CLVS1: variants seen among roughly 807,000 people sequenced by gnomAD.
CLVS1 encodes the protein clavesin-1.
Under a neutral mutation model 33.1 loss-of-function variants are expected in CLVS1, and 10 were observed. The ratio of observed to expected loss-of-function variants is 0.30; its 90% CI spans 0.19 to 0.51. CLVS1 has a LOEUF of 0.51. Among genes scored for constraint, CLVS1 ranks in the 20% least tolerant of loss-of-function variants. The pLI, the probability that CLVS1 is intolerant of heterozygous loss-of-function variation, is 0.97. For synonymous variants in CLVS1, 163 were observed against 166.1 expected (o/e 0.98, Z 0.14); for missense variants, 343 against 433.4 (o/e 0.79, Z 1.85).
intron 3 of CLVS1, among the ~76,000 whole-genome samples, chr8:61,421,817 C>A (rs1815681832): frequency 6.6e-6 from 1 of 152,108 alleles, no homozygotes; most frequent in African/African-American, 2.4e-5. Context: ...GAAGAGAGAG[C>A]CAATTGCTAC....
At chr8:61,317,305 G>A (rs1446876076) in intron 2 of CLVS1, among the ~76,000 whole-genome samples, 1 of 152,146 alleles carries the variant, frequency 6.6e-6, no homozygotes, top group East Asian at 1.9e-4. Flanking sequence ...AGGCAAGTGA[G>A]TCAAATGCTG....
intron 2 of CLVS1, among the ~76,000 whole-genome samples, chr8:61,153,085 C>T (rs560532030): frequency 6.6e-5 from 10 of 152,140 alleles, no homozygotes; most frequent in Non-Finnish European, 8.8e-5. Context: ...GGCTGCACTC[C>T]AGCCTGGGTA....
upstream of CLVS1, among the ~76,000 whole-genome samples, chr8:61,283,836 G>T (rs1809722473): frequency 6.6e-6 from 1 of 152,304 alleles, no homozygotes; most frequent in Middle Eastern, 3.4e-3. Context: ...TGACCTGGTG[G>T]TTGGCAACAC....
intron 2 of CLVS1, among the ~76,000 whole-genome samples, chr8:61,257,812 G>T (rs1365628584): frequency 6.6e-6 from 1 of 152,186 alleles, no homozygotes; most frequent in Non-Finnish European, 1.5e-5. Context: ...ATGCCTCTGT[G>T]CCACTCATTG....
At chr8:61,190,427 A>G (rs1807444620) in intron 2 of CLVS1, among the ~76,000 whole-genome samples, 1 of 152,188 alleles carries the variant, frequency 6.6e-6, no homozygotes, top group Admixed American at 6.5e-5. Context: ...AGCACAAAAG[A>G]TCTAAAATTG....
chr8:61,361,477 G>T (rs984053983), intron 2 of CLVS1, among the ~76,000 whole-genome samples: 2 of 152,170 alleles, frequency 1.3e-5, no homozygotes, highest in African/African-American at 4.8e-5. Context: ...CATTCTCCAA[G>T]CCTTTTAGAG....
chr8:60,967,994 A>C, the CLVS1 span, among the ~76,000 whole-genome samples: 2 of 152,128 alleles, frequency 1.3e-5, no homozygotes, highest in Non-Finnish European at 2.9e-5. Flanking sequence ...GCTGGAGTGC[A>C]GTGGTGTGAT....
Position 61,114,574 on chromosome 8 carries a change from C to T in CLVS1, c.-242-17196C>T, listed in dbSNP as rs540742441. On this transcript the variant is annotated intron_variant, in intron 1 of 2. Transcript: ENST00000522621. Reference sequence around the variant, plus strand: ...TTAATGTTTATCATCCAGCTAGCTGCTACACTACATTTCTTCCCCTTTGAG... The same window carrying T: ...TTAATGTTTATCATCCAGCTAGCTGTTACACTACATTTCTTCCCCTTTGAG... Among the ~76,000 whole-genome samples the T allele has an allele frequency of 8.5e-5, 13 of 152,302 alleles. No individual in the cohort carries two copies. In the East Asian group the frequency reaches 1.4e-3, roughly 16 times the overall value.
chr8:61,490,007 T>G (rs1804014118), intron 5 of CLVS1, among the ~76,000 whole-genome samples: 1 of 152,140 alleles, frequency 6.6e-6, no homozygotes, highest in South Asian at 2.1e-4. Context: ...AGCTCTCAAT[T>G]TAACGTTTAG....
At chr8:61,048,204 C>A in the CLVS1 span, among the ~76,000 whole-genome samples, 1 of 152,232 alleles carries the variant, frequency 6.6e-6, no homozygotes, top group East Asian at 1.9e-4. Flanking sequence ...AGATCCTGCA[C>A]GAAAGTCACC....
chr8:61,013,700 C>T, the CLVS1 span, among the ~76,000 whole-genome samples: 1 of 152,222 alleles, frequency 6.6e-6, no homozygotes, highest in Non-Finnish European at 1.5e-5. Flanking sequence ...AACAGAGGCA[C>T]TGTGTGTGCC....
At chr8:61,381,494 C>T (rs1176396569) in intron 3 of CLVS1, among the ~76,000 whole-genome samples, 1 of 152,104 alleles carries the variant, frequency 6.6e-6, no homozygotes, top group Non-Finnish European at 1.5e-5. Flanking sequence ...CGTGGGTAAA[C>T]TGTACGTTGC....
chr8:61,424,839 T>C (rs1815819228), intron 3 of CLVS1, among the ~76,000 whole-genome samples: 1 of 152,326 alleles, frequency 6.6e-6, no homozygotes, highest in Admixed American at 6.5e-5. Context: ...ATTATAATAA[T>C]GAATCTTGAA....
chr8:61,322,900 A>G (rs1811249373), intron 2 of CLVS1, among the ~76,000 whole-genome samples: 1 of 152,142 alleles, frequency 6.6e-6, no homozygotes, highest in Admixed American at 6.6e-5. Context: ...TCCAAACAAA[A>G]TTTAGTCTCC....
intron 3 of CLVS1, among the ~76,000 whole-genome samples, chr8:61,450,536 G>C (rs1283931779): frequency 6.6e-6 from 1 of 152,156 alleles, no homozygotes; most frequent in Non-Finnish European, 1.5e-5. Flanking sequence ...TATGCCAACT[G>C]TTCGTCATGT....
intron 2 of CLVS1, among the ~76,000 whole-genome samples, chr8:61,305,548 A>T (rs1044041327): frequency 6.6e-6 from 1 of 152,066 alleles, no homozygotes; most frequent in African/African-American, 2.4e-5. Context: ...GTATGTATAT[A>T]AACTCTATTT....
chr8:61,460,194 T>C (rs1343485058), intron 5 of CLVS1, among the ~76,000 whole-genome samples: 1 of 152,164 alleles, frequency 6.6e-6, no homozygotes, highest in African/African-American at 2.4e-5. Context: ...ATGAAGAGGC[T>C]TGAAAATATT....
At chr8:61,066,772 A>G (rs1380473847) in intron 1 of CLVS1, among the ~76,000 whole-genome samples, 1 of 152,232 alleles carries the variant, frequency 6.6e-6, no homozygotes, top group Non-Finnish European at 1.5e-5. Flanking sequence ...AATGTCAATG[A>G]CACACAACAT....
At chr8:61,467,378 C>T (rs766000253) in intron 5 of CLVS1, among the ~76,000 whole-genome samples, 4 of 152,156 alleles carry the variant, frequency 2.6e-5, no homozygotes, top group African/African-American at 4.8e-5. Context: ...TAACAATGGA[C>T]CTGATGATCT....
Sources: allele counts gnomAD v4.1 joint callset (sites outside exome capture counted in the v4.1 genomes callset), GRCh38; gene constraint gnomAD v4.1.1; transcripts MANE v1.5; gene names NCBI Gene and HGNC (gene_info 2026-07-23, HGNC 2026-07-21).